The following ASIC2 variants were observed in gnomAD, a reference collection of about 807,000 sequenced individuals.
The protein encoded by ASIC2 is acid-sensing ion channel 2.
ASIC2 carries 25 observed loss-of-function variants against 57.3 expected under a neutral mutation model. The ratio of observed to expected loss-of-function variants is 0.44; its 90% CI spans 0.32 to 0.61. The LOEUF is 0.61. Among genes scored for constraint, ASIC2 ranks in the 20% least tolerant of loss-of-function variants. ASIC2 has a pLI of 0.06. For synonymous variants in ASIC2, 319 were observed against 307.5 expected (o/e 1.04, Z -0.39); for missense variants, 641 against 738.1 (o/e 0.87, Z 1.52).
At position 33,292,412 on chromosome 17, in the gene ASIC2, C is replaced by A. The variant is rs1474316708; in HGVS notation, c.-297G>T. On this transcript the variant is annotated 5_prime_UTR_variant, in exon 1 of 10. Transcript: ENST00000225823. ...CCTGGTCTTCCTGGAGGATGCCCGG[C>A]GCCCGGCACTACTTCTGGAGGGGTC... The A allele has an allele frequency of 6.1e-6, 6 of 985,632 alleles. No individual in the cohort carries two copies. In the South Asian group the frequency reaches 1.4e-4, roughly 23 times the overall value. The allele number at this position is 985,632 out of a possible 1,614,324, so 61.1% of individuals were successfully genotyped here. A position where few individuals can be genotyped will look rare whatever the true frequency, so the allele number is the denominator to read the frequency against.
intron 1 of ASIC2, among the ~76,000 whole-genome samples, chr17:34,115,806 A>G (rs552568242): frequency 2.6e-5 from 4 of 152,306 alleles, no homozygotes; most frequent in Admixed American, 1.3e-4. Flanking sequence ...AACTTGACCA[A>G]CACTCCCCTT....
rs548611609 is a variant in ASIC2, at chr17:33,625,639, T to A, written c.556-513572A>T. On this transcript the variant is annotated intron_variant, in intron 1 of 9. Coordinates refer to the ASIC2 transcript ENST00000359872. ...GACCTATAGAGTTGTCACACAAACT[T>A]TTTGAATATCCCTAAACATCAAAGA... Among the ~76,000 whole-genome samples the A allele has an allele frequency of 3.9e-5, 6 of 152,344 alleles. No individual in the cohort carries two copies. The South Asian group carries it at 1.2e-3, about 32-fold the overall frequency.
At chr17:34,053,932 A>C (rs1264517355) in intron 1 of ASIC2, among the ~76,000 whole-genome samples, 1 of 152,234 alleles carries the variant, frequency 6.6e-6, no homozygotes, top group South Asian at 2.1e-4. Context: ...AGACTCAGGT[A>C]CCTATAAGAC....
chr17:33,336,004 C>T (rs903670015), intron 1 of ASIC2, among the ~76,000 whole-genome samples: 1 of 152,118 alleles, frequency 6.6e-6, no homozygotes, highest in African/African-American at 2.4e-5. Context: ...CCTTCTCCCT[C>T]TGTCCTTCTG....
intron 1 of ASIC2, among the ~76,000 whole-genome samples, chr17:33,209,337 C>T (rs1302560744): frequency 6.6e-6 from 1 of 152,046 alleles, no homozygotes; most frequent in Non-Finnish European, 1.5e-5. Context: ...ATAGGTCAGC[C>T]ATACAAATAA....
At chr17:33,393,051 C>T (rs186435709) in intron 1 of ASIC2, among the ~76,000 whole-genome samples, 26 of 152,284 alleles carry the variant, frequency 1.7e-4, no homozygotes, top group Admixed American at 1.3e-3. Flanking sequence ...TCTCATGCAG[C>T]CCATTGTAAT....
At chr17:33,609,232 A>C (rs1321170029) in intron 1 of ASIC2, among the ~76,000 whole-genome samples, 1 of 152,204 alleles carries the variant, frequency 6.6e-6, no homozygotes, top group African/African-American at 2.4e-5. Flanking sequence ...TCTTTGTACA[A>C]GGCAAAACTG....
chr17:33,568,931 C>G (rs560301196), intron 1 of ASIC2, among the ~76,000 whole-genome samples: 1 of 152,274 alleles, frequency 6.6e-6, no homozygotes, highest in South Asian at 2.1e-4. Flanking sequence ...TGATTTATAT[C>G]ACGAAAGGCA....
At chr17:34,036,970 G>C (rs2142042288) in intron 1 of ASIC2, 1 of 152,626 alleles carries the variant, frequency 6.6e-6, no homozygotes, top group African/African-American at 2.4e-5. Flanking sequence ...AATGAACATT[G>C]CCACGTACTT....
chr17:33,082,254 C>G lies in ASIC2; in HGVS notation c.987+6609G>C, dbSNP rs148586932. Among the ~76,000 whole-genome samples the G allele has an allele frequency of 2.0e-5, 3 of 152,100 alleles. No homozygotes were observed. The East Asian group carries it at 5.8e-4, about 29-fold the overall frequency. ...TGGGCCAACTAATTGCCCAGAATCT[C>G]TAGATTCATTCCCAGGACCACCAAG... On this transcript the variant is annotated intron_variant, in intron 3 of 9. Transcript: ENST00000225823.
intron 1 of ASIC2, among the ~76,000 whole-genome samples, chr17:34,040,046 G>A (rs1229650617): frequency 6.7e-6 from 1 of 148,832 alleles, no homozygotes; most frequent in Non-Finnish European, 1.5e-5. Context: ...CGGGCTCCAC[G>A]AGAGGGCGGG....
chr17:33,213,625 G>A (rs762888255), intron 1 of ASIC2, among the ~76,000 whole-genome samples: 21 of 152,178 alleles, frequency 1.4e-4, no homozygotes, highest in Non-Finnish European at 3.1e-4. Flanking sequence ...TGTCTTAAAT[G>A]TTTCAACTTT....
In ASIC2 at chr17:33,291,415, A is replaced by T. The variant is rs1273120861; in HGVS notation, c.701T>A (p.Phe234Tyr). 6.3e-7 allele frequency: 1 copy of T among 1,598,332 alleles called. No homozygotes were observed. Among genetic ancestry groups the T allele is most frequent in the Admixed American group, 1.7e-5 (1 of 59,236 alleles). Residue 234 changes from phenylalanine to tyrosine, a missense_variant, in exon 1 of 10, where the codon TTC (phenylalanine) becomes TAC (tyrosine). Physicochemically the swap from Phe to Tyr is conservative, Grantham distance 22. This residue lies in a region of ASIC2 where 382 missense variants were observed against 398.0 expected (regional missense o/e 0.96). Transcript: ENST00000225823. ...YRGELCGPHN[F>Y]SSVFTKYGKC... is the part of the protein sequence containing the mutation. ...GCGCGGAGGGCAACTCACGGAGGAG[A>T]AGTTGTGCGGCCCGCAGAGCTCGCC...
At chr17:33,123,735 C>T (rs960289009) in intron 1 of ASIC2, among the ~76,000 whole-genome samples, 8 of 152,168 alleles carry the variant, frequency 5.3e-5, no homozygotes, top group African/African-American at 1.7e-4. Flanking sequence ...CTTGGGTGGG[C>T]TAATTCCTAC....
intron 1 of ASIC2, among the ~76,000 whole-genome samples, chr17:34,095,698 TAGAG>T (rs1398973554): frequency 1.4e-5 from 2 of 143,234 alleles, no homozygotes; most frequent in African/African-American, 5.1e-5. Context: ...TAATTTTATA[TAGAG>T]ATATATAATT....
chr17:33,131,952 G>A (rs17781501), intron 1 of ASIC2, among the ~76,000 whole-genome samples: 24,668 of 152,122 alleles, frequency 0.16, 2,392 homozygotes, highest in Non-Finnish European at 0.21. Flanking sequence ...AATGGGGCCA[G>A]ATACAATCAT....
chr17:33,723,263 C>G (rs995944783), intron 1 of ASIC2, among the ~76,000 whole-genome samples: 1 of 152,112 alleles, frequency 6.6e-6, no homozygotes, highest in African/African-American at 2.4e-5. Context: ...ATGAAAGAAT[C>G]CAAACACATG....
intron 1 of ASIC2, among the ~76,000 whole-genome samples, chr17:33,174,160 G>A (rs547373062): frequency 2.6e-5 from 4 of 152,102 alleles, no homozygotes; most frequent in Admixed American, 1.3e-4. Context: ...GGTGGTTCAC[G>A]CCTGTAATCC....
chr17:33,832,929 A>G (rs1014180316), intron 1 of ASIC2, among the ~76,000 whole-genome samples: 15 of 152,284 alleles, frequency 9.9e-5, no homozygotes, highest in Middle Eastern at 3.4e-3. Flanking sequence ...TAGAATATGG[A>G]CAAGTAAAAT....
Sources: gnomAD v4.1 joint callset for allele counts (sites outside exome capture counted in the v4.1 genomes callset) on GRCh38, gnomAD v4.1.1 for gene constraint, gnomAD v4.1.1 regional missense constraint, MANE v1.5 for transcripts, NCBI Gene and HGNC (gene_info 2026-07-23, HGNC 2026-07-21) for gene names.